The following PIK3R3 variants were observed in gnomAD, a reference collection of about 807,000 sequenced individuals.
PIK3R3 encodes phosphatidylinositol 3-kinase regulatory subunit gamma.
Under a neutral mutation model 62.9 loss-of-function variants are expected in PIK3R3, and 64 were observed. The observed-to-expected ratio is 1.02, with a 90% CI of 0.83 to 1.25. PIK3R3 has a LOEUF of 1.25. Ranked by LOEUF, PIK3R3 falls within the 50% of genes most tolerant of loss-of-function variation. The pLI, the probability that PIK3R3 is intolerant of heterozygous loss-of-function variation, is 0.00. For synonymous variants in PIK3R3, 165 were observed against 189.0 expected, an observed-to-expected ratio of 0.87 and a Z score of 1.04; for missense variants, 614 against 561.6, an observed-to-expected ratio of 1.09 and a Z score of -0.94.
intron 1 of PIK3R3, among the ~76,000 whole-genome samples, chr1:46,117,108 A>T (rs1294314586): frequency 6.6e-6 from 1 of 152,190 alleles, no homozygotes; most frequent in Non-Finnish European, 1.5e-5. Context: ...AATTAAGAAC[A>T]TCAGGAAATT....
the PIK3R3 span, among the ~76,000 whole-genome samples, chr1:46,149,446 C>T: frequency 2.8e-4 from 40 of 142,850 alleles, no homozygotes; most frequent in African/African-American, 1.0e-3. Flanking sequence ...AAAAAAAAGA[C>T]ACTCCCAGCA....
intron 1 of PIK3R3, among the ~76,000 whole-genome samples, chr1:46,109,882 C>T (rs183888779): frequency 1.3e-5 from 2 of 152,302 alleles, no homozygotes; most frequent in East Asian, 1.9e-4. Flanking sequence ...CCACCACATA[C>T]AGGATAAAGT....
intron 1 of PIK3R3, among the ~76,000 whole-genome samples, chr1:46,092,323 T>A (rs1322776551): frequency 6.6e-6 from 1 of 152,234 alleles, no homozygotes; most frequent in African/African-American, 2.4e-5. Flanking sequence ...AAGAATCACA[T>A]TCCTAACCTC....
Position 46,045,900 on chromosome 1 carries a change from T to A in PIK3R3, c.1187+18A>T, listed in dbSNP as rs373732746. ...ATGCAAAAGATTTCAAAAGGTTATATCCCCAGAGAAGACTTACACCACAGA... is the reference window on the plus strand; with the variant it reads ...ATGCAAAAGATTTCAAAAGGTTATAACCCCAGAGAAGACTTACACCACAGA... On this transcript the variant is annotated intron_variant, in intron 9 of 9. Coordinates refer to ENST00000262741, the MANE Select transcript of PIK3R3 (RefSeq NM_003629.4). 1.7e-5 allele frequency: 27 copies of A among 1,597,284 alleles called. No individual in the cohort carries two copies. Among genetic ancestry groups the A allele is most frequent in the Non-Finnish European group, 2.3e-5 (27 of 1,167,542 alleles).
chr1:46,061,832 G>T, intron 6 of PIK3R3, 97 bp downstream of exon 6: 1 of 1,100,498 alleles, frequency 9.1e-7, no homozygotes, highest in Non-Finnish European at 1.4e-6. Flanking sequence ...GTAGGGCTGT[G>T]CAGTTTGAGG....
the PIK3R3 span, among the ~76,000 whole-genome samples, chr1:46,160,470 A>G: frequency 6.6e-6 from 1 of 152,248 alleles, no homozygotes. Flanking sequence ...CTGTCTTTTT[A>G]AAAGGGAGGA....
At chr1:46,045,221 T>C (rs1647078291) in intron 9 of PIK3R3, among the ~76,000 whole-genome samples, 1 of 152,198 alleles carries the variant, frequency 6.6e-6, no homozygotes, top group African/African-American at 2.4e-5. Context: ...TTACCCAAAG[T>C]TACCCAGCTA....
intron 3 of PIK3R3, among the ~76,000 whole-genome samples, chr1:46,072,561 G>C (rs1649634941): frequency 1.3e-5 from 2 of 152,200 alleles, no homozygotes; most frequent in Non-Finnish European, 2.9e-5. Context: ...ACATATAGCA[G>C]ACTATTATTC....
At chr1:46,043,961 T>C (rs990814483) in intron 9 of PIK3R3, 90 bp from the exon 10 acceptor site, 7 of 1,103,482 alleles carry the variant, frequency 6.3e-6, no homozygotes, top group African/African-American at 3.1e-5. Context: ...GCAATTGTTA[T>C]GCAAACAAGT....
At position 46,065,973 on chromosome 1, in the gene PIK3R3, GATC is replaced by G; in HGVS notation, c.621+78_621+80del. 5 of 1,251,498 alleles carry G rather than the reference GATC, an allele frequency of 4.0e-6. No homozygotes were observed. The East Asian group carries it at 9.3e-5, about 23-fold the overall frequency. 77.5% of individuals were successfully genotyped at this position (1,251,498 alleles called of 1,614,324 possible). On this transcript the variant is annotated intron_variant, in intron 5 of 9. Coordinates refer to ENST00000262741, the MANE Select transcript of PIK3R3 (RefSeq NM_003629.4). ...CCTTTAAGACATTAAAACAGCTAAAGATCATCAAGTGAATGATCGAAAATTTGA... is the reference window on the plus strand; with the variant it reads ...CCTTTAAGACATTAAAACAGCTAAAGATCAAGTGAATGATCGAAAATTTGA...
intron 3 of PIK3R3, among the ~76,000 whole-genome samples, chr1:46,073,012 A>G (rs1018440931): frequency 2.6e-5 from 4 of 151,950 alleles, no homozygotes; most frequent in Non-Finnish European, 5.9e-5. Flanking sequence ...ACCCAGTATC[A>G]GGCACTAATC....
chr1:46,043,098 T>C lies in PIK3R3; in HGVS notation c.*575A>G, dbSNP rs1291074885. 2 of 224,376 alleles carry C rather than the reference T, an allele frequency of 8.9e-6. No individual in the cohort carries two copies. Among genetic ancestry groups the C allele is most frequent in the Non-Finnish European group, 1.8e-5 (2 of 112,624 alleles). The allele number at this position is 224,376 out of a possible 1,614,324, so 13.9% of individuals were successfully genotyped here. A position where few individuals can be genotyped will look rare whatever the true frequency, so the allele number is the denominator to read the frequency against. Reference sequence around the variant, plus strand: ...TAAATTATGTTGGTAAGAAACAAAATACCTTCAGTTGAAGGTTTTTTTTAT... The same window carrying C: ...TAAATTATGTTGGTAAGAAACAAAACACCTTCAGTTGAAGGTTTTTTTTAT... On this transcript the variant is annotated 3_prime_UTR_variant, in exon 10 of 10. Coordinates refer to ENST00000262741, the MANE Select transcript of PIK3R3 (RefSeq NM_003629.4).
chr1:46,142,882 T>C, the PIK3R3 span, among the ~76,000 whole-genome samples: 1 of 151,350 alleles, frequency 6.6e-6, no homozygotes, highest in African/African-American at 2.4e-5. Flanking sequence ...AGCAGAGGAG[T>C]GTTGTGATGA....
At chr1:46,066,210 T>C (rs1289499202) in intron 4 of PIK3R3, 31 bp from the exon 5 acceptor site, 3 of 1,438,954 alleles carry the variant, frequency 2.1e-6, no homozygotes, top group Non-Finnish European at 2.9e-6. Context: ...ATAAAGAATG[T>C]TAACAATTCT....
chr1:46,109,826 C>A (rs1403723257), intron 1 of PIK3R3, among the ~76,000 whole-genome samples: 1 of 152,116 alleles, frequency 6.6e-6, no homozygotes, highest in Non-Finnish European at 1.5e-5. Flanking sequence ...TTTTGAGTTT[C>A]AAATCTAACC....
In PIK3R3 at chr1:46,067,010, G is replaced by C; in HGVS notation, c.396C>G (p.Ser132=). 1 of 1,604,532 alleles carries C rather than the reference G, an allele frequency of 6.2e-7. No homozygotes were observed. The highest frequency in any genetic ancestry group is 1.7e-5 in the Admixed American group (1 of 58,552). Residue 132 remains serine (S), a synonymous_variant, in exon 4 of 10, where the codon TCC becomes TCG. Coordinates refer to ENST00000262741, the MANE Select transcript of PIK3R3 (RefSeq NM_003629.4). ...YGFSDPLTFN[S]VVELINHYHH... ...GATAGTGGTTAATGAGCTCCACCAC[G>C]GAATTAAATGTCAGAGGATCAGAAA...
intron 1 of PIK3R3, among the ~76,000 whole-genome samples, chr1:46,111,711 C>G (rs147211114): frequency 0.012 from 1,788 of 150,738 alleles, 29 homozygotes; most frequent in African/African-American, 0.038. Flanking sequence ...GGTGACAGAG[C>G]CAGACTCTGT....
intron 1 of PIK3R3, chr1:46,131,635 A>ACCCCCC: frequency 1.5e-5 from 1 of 64,784 alleles, no homozygotes; most frequent in Non-Finnish European, 2.9e-5. Flanking sequence ...TCCAGCCCCC[A>ACCCCCC]CCCCCACCTT....
chr1:46,083,959 T>C (rs1650840841), intron 1 of PIK3R3, among the ~76,000 whole-genome samples: 1 of 152,160 alleles, frequency 6.6e-6, no homozygotes, highest in South Asian at 2.1e-4. Context: ...ACACAAAAAC[T>C]TGCACATGAA....
Sources: allele counts gnomAD v4.1 joint callset (sites outside exome capture counted in the v4.1 genomes callset), GRCh38; gene constraint gnomAD v4.1.1; transcripts MANE v1.5; gene names NCBI Gene and HGNC (gene_info 2026-07-23, HGNC 2026-07-21).